MAP3K4: variants seen among roughly 807,000 people sequenced by gnomAD.
MAP3K4 encodes the protein MAP three kinase 1.
In MAP3K4, 67 loss-of-function variants were observed where a neutral mutation model predicts 185.6. The observed-to-expected ratio is 0.36, with a 90% confidence interval of 0.30 to 0.44. The LOEUF is 0.44. Ranked by LOEUF, MAP3K4 falls within the 20% of genes least tolerant of loss-of-function variation. The pLI is 1.00. For missense variants in MAP3K4, 1,551 were observed against 1,995.1 expected (o/e 0.78, Z 4.24); for synonymous variants, 702 against 710.4 (o/e 0.99, Z 0.19).
chr6:161,078,485 G>A (rs1341238169), intron 5 of MAP3K4, among the ~76,000 whole-genome samples: 1 of 152,250 alleles, frequency 6.6e-6, no homozygotes, highest in Non-Finnish European at 1.5e-5. Context: ...GCAGAAAGAT[G>A]AGCAGTCAGT....
At chr6:161,015,056 T>A (rs554778556) in intron 1 of MAP3K4, among the ~76,000 whole-genome samples, 2 of 152,310 alleles carry the variant, frequency 1.3e-5, no homozygotes, top group South Asian at 4.1e-4. Context: ...TAGCGTAAGA[T>A]TTTCAAGTTT....
rs1008792389 is a variant in MAP3K4 at position 161,110,503 on chromosome 6, T to G, written c.4396+589T>G. Among the ~76,000 whole-genome samples the G allele has an allele frequency of 5.9e-5, 9 of 152,204 alleles. No individual in the cohort carries two copies. The highest frequency in any genetic ancestry group is 1.3e-4 in the Non-Finnish European group (9 of 68,026). On this transcript the variant is annotated intron_variant, in intron 23 of 26. Coordinates refer to ENST00000392142, the MANE Select transcript of MAP3K4 (RefSeq NM_005922.4). The surrounding 1 kb of genome is among the most constrained non-coding windows in gnomAD (Gnocchi z 4.8). ...CGTGGCATTTGCCTTAACCACGCCA[T>G]GCCCCTGACCTTTGTATTTGCAAGT...
rs904316772 is a variant in MAP3K4, at chr6:161,088,249, T to A, written c.2823+295T>A. Among the ~76,000 whole-genome samples the A allele has an allele frequency of 1.3e-5, 2 of 152,222 alleles. No individual in the cohort carries two copies. The highest frequency in any genetic ancestry group is 4.8e-5 in the African/African-American group (2 of 41,456). ...TGGAGCTATGATCTAAAAGGAGTTA[T>A]GTCACTAATATAATTTGTAGTTCTA... is the stretch of plus-strand genomic sequence containing the variant. On this transcript the variant is annotated intron_variant, in intron 10 of 26. Transcript: ENST00000392142. This position sits in a 1 kb window ranked among gnomAD's most constrained non-coding sequence, Gnocchi z 4.5.
chr6:160,996,557 G>C lies in MAP3K4; in HGVS notation c.152+4474G>C. ...TTCTATTGTCTCAGCCTTGTCATTT[G>C]ACCAGGTAGTATGTATGCTGTTTGA... On this transcript the variant is annotated intron_variant, in intron 1 of 26. Coordinates refer to ENST00000392142, the MANE Select transcript of MAP3K4 (RefSeq NM_005922.4). The surrounding 1 kb of genome is among the most constrained non-coding windows in gnomAD (Gnocchi z 4.5). 6.6e-6 allele frequency among the ~76,000 whole-genome samples: 1 copy of C among 152,140 alleles called. No homozygotes were observed. The highest frequency in any genetic ancestry group is 6.5e-5 in the Admixed American group (1 of 15,278).
chr6:161,089,610 T>G, intron 11 of MAP3K4, 139 bp downstream of exon 11: 1 of 747,102 alleles, frequency 1.3e-6, no homozygotes, highest in South Asian at 2.2e-5. Flanking sequence ...TCCCAATACA[T>G]ATTTTCTTAT....
At chr6:161,030,490 T>C (rs546635708) in intron 1 of MAP3K4, among the ~76,000 whole-genome samples, 60 of 152,256 alleles carry the variant, frequency 3.9e-4, no homozygotes, top group African/African-American at 1.4e-3. Flanking sequence ...TCACCCAGGC[T>C]GGAGTGCAGT....
In MAP3K4 at chr6:161,107,428, G is replaced by A. The variant is rs1286496092; in HGVS notation, c.4049-471G>A. ...AATTATTGTTATCAGTCTTGTCCAG[G>A]CACATATCCTCTTGCTTTAATGTCC... On this transcript the variant is annotated intron_variant, in intron 20 of 26. Transcript: ENST00000392142. The surrounding 1 kb of genome is among the most constrained non-coding windows in gnomAD (Gnocchi z 6.2). Among the ~76,000 whole-genome samples the A allele has an allele frequency of 6.6e-6, 1 of 152,154 alleles. No individual in the cohort carries two copies. The highest frequency in any genetic ancestry group is 2.4e-5 in the African/African-American group (1 of 41,438).
rs913956490 is a variant in MAP3K4 at position 161,115,675 on chromosome 6, A to T, written c.4806+373A>T. The stretch of plus-strand genomic sequence containing the variant: ...GGTATATAAGGTTACTCAGAAGAGG[A>T]ATTTAATTAAGTCAGCCAATCTCAG... On this transcript the variant is annotated intron_variant, in intron 26 of 26. Transcript: ENST00000392142. This position sits in a 1 kb window ranked among gnomAD's most constrained non-coding sequence, Gnocchi z 6.0. Among the ~76,000 whole-genome samples, 2 of 152,200 alleles carry T rather than the reference A, an allele frequency of 1.3e-5. No individual in the cohort carries two copies. The highest frequency in any genetic ancestry group is 4.8e-5 in the African/African-American group (2 of 41,452).
chr6:161,040,420 CAAAG>C (rs35254907), intron 2 of MAP3K4, among the ~76,000 whole-genome samples: 4,065 of 152,236 alleles, frequency 0.027, 122 homozygotes, highest in African/African-American at 0.072. Context: ...CGTGAGGAAT[CAAAG>C]AAAGTTATCA....
At position 161,054,061 on chromosome 6, in the gene MAP3K4, T is replaced by A. The variant is rs113701130; in HGVS notation, c.1707+4082T>A. On this transcript the variant is annotated intron_variant, in intron 3 of 26. Coordinates refer to ENST00000392142, the MANE Select transcript of MAP3K4 (RefSeq NM_005922.4). This position sits in a 1 kb window ranked among gnomAD's most constrained non-coding sequence, Gnocchi z 4.2. ...CGTGATGTTTGATTTTTCTTATCTATGTCTTTATATATTTTTTGATTACGT... is the reference window on the plus strand; with the variant it reads ...CGTGATGTTTGATTTTTCTTATCTAAGTCTTTATATATTTTTTGATTACGT... Among the ~76,000 whole-genome samples the A allele has an allele frequency of 6.6e-6, 1 of 152,236 alleles. No homozygotes were observed. The highest frequency in any genetic ancestry group is 2.4e-5 in the African/African-American group (1 of 41,458).
chr6:161,045,179 T>C (rs958106979), intron 2 of MAP3K4, among the ~76,000 whole-genome samples: 2 of 152,164 alleles, frequency 1.3e-5, no homozygotes, highest in Non-Finnish European at 2.9e-5. Context: ...TATGAATTTA[T>C]ATTTTGTGTA....
chr6:161,033,816 G>A (rs1256700835), intron 1 of MAP3K4, among the ~76,000 whole-genome samples: 1 of 152,168 alleles, frequency 6.6e-6, no homozygotes, highest in Non-Finnish European at 1.5e-5. Context: ...AAGAGGCGAG[G>A]CACTGAAGTT....
chr6:161,002,793 A>G (rs1212551478), intron 1 of MAP3K4, among the ~76,000 whole-genome samples: 8 of 151,902 alleles, frequency 5.3e-5, no homozygotes, highest in African/African-American at 1.9e-4. Context: ...GAGTTTCACC[A>G]TGTTAGCCAT....
intron 19 of MAP3K4, among the ~76,000 whole-genome samples, chr6:161,104,268 G>A (rs1340877060): frequency 1.3e-5 from 2 of 151,754 alleles, no homozygotes; most frequent in East Asian, 3.9e-4. Flanking sequence ...TACAAAATTA[G>A]CCAGGCAAGA....
At chr6:161,079,335 T>C (rs1018548753) in intron 5 of MAP3K4, among the ~76,000 whole-genome samples, 1 of 151,796 alleles carries the variant, frequency 6.6e-6, no homozygotes, top group Non-Finnish European at 1.5e-5. Context: ...CCCAGCACTT[T>C]GGGAGGCCAA....
At chr6:160,992,347 A>G (rs1008329958) in intron 1 of MAP3K4, 4 of 502,856 alleles carry the variant, frequency 8.0e-6, no homozygotes, top group Non-Finnish European at 1.4e-5. Flanking sequence ...AGACTCCCCC[A>G]GCTCACCCTC....
Position 161,108,662 on chromosome 6 carries a change from C to T in MAP3K4, c.4120-81C>T, listed in dbSNP as rs1291475245. Reference sequence around the variant, plus strand: ...CATGATTACATATATTTATGGGGTGCAAAATGATGTTTCAGTGTATGTGTA... The same window carrying T: ...CATGATTACATATATTTATGGGGTGTAAAATGATGTTTCAGTGTATGTGTA... On this transcript the variant is annotated intron_variant, in intron 21 of 26. Transcript: ENST00000392142. This position sits in a 1 kb window ranked among gnomAD's most constrained non-coding sequence, Gnocchi z 5.7. 2 of 804,246 alleles carry T rather than the reference C, an allele frequency of 2.5e-6. No individual in the cohort carries two copies. The highest frequency in any genetic ancestry group is 4.3e-6 in the Non-Finnish European group (2 of 461,744). The allele number at this position is 804,246 out of a possible 1,614,324, so 49.8% of individuals were successfully genotyped here. A position where few individuals can be genotyped will look rare whatever the true frequency, so the allele number is the denominator to read the frequency against.
At chr6:161,026,045 T>C (rs2115132746) in intron 1 of MAP3K4, among the ~76,000 whole-genome samples, 1 of 152,344 alleles carries the variant, frequency 6.6e-6, no homozygotes, top group East Asian at 1.9e-4. Flanking sequence ...TGACATGTAA[T>C]AATTTTTTTC....
rs1311927017 is a variant in MAP3K4 at position 161,106,290 on chromosome 6, G to T, written c.3857-224G>T. Among the ~76,000 whole-genome samples, 1 of 152,172 alleles carries T rather than the reference G, an allele frequency of 6.6e-6. No homozygotes were observed. Among genetic ancestry groups the T allele is most frequent in the Non-Finnish European group, 1.5e-5 (1 of 68,028 alleles). On this transcript the variant is annotated intron_variant, in intron 19 of 26. Transcript: ENST00000392142. The surrounding 1 kb of genome is among the most constrained non-coding windows in gnomAD (Gnocchi z 4.9). ...GTTCTTGGGAAAGGAAATCATTTTT[G>T]TGTGACTAGCTTATATTTTATGTGT...
Sources: gnomAD v4.1 joint callset for allele counts (sites outside exome capture counted in the v4.1 genomes callset) on GRCh38, gnomAD v4.1.1 for gene constraint, Gnocchi (gnomAD v3.1) non-coding constraint, MANE v1.5 for transcripts, NCBI Gene and HGNC (gene_info 2026-07-23, HGNC 2026-07-21) for gene names.